The following SLC1A1 variants were observed in gnomAD, a reference collection of about 807,000 sequenced individuals.
The protein encoded by SLC1A1 is excitatory amino acid transporter 3.
Under a neutral mutation model 53.3 loss-of-function variants are expected in SLC1A1, and 43 were observed. The observed-to-expected ratio is 0.81, with a 90% CI of 0.63 to 1.04. The LOEUF is 1.04. Ranked by LOEUF, SLC1A1 falls within the 50% of genes least tolerant of loss-of-function variation. The pLI is 0.00. For synonymous variants in SLC1A1, 307 were observed against 243.2 expected (o/e 1.26, Z -2.44); for missense variants, 748 against 664.9 (o/e 1.12, Z -1.37).
chr9:4,543,415 A>T (rs1817184484), intron 1 of SLC1A1, among the ~76,000 whole-genome samples: 1 of 152,222 alleles, frequency 6.6e-6, no homozygotes, highest in African/African-American at 2.4e-5. Flanking sequence ...AGGAAAGGGT[A>T]AAGCAGTTAG....
intron 3 of SLC1A1, among the ~76,000 whole-genome samples, chr9:4,562,884 C>T (rs987544504): frequency 6.8e-6 from 1 of 146,322 alleles, no homozygotes; most frequent in African/African-American, 2.5e-5. Flanking sequence ...CATACGTGTG[C>T]ATGTGTCTTT....
intron 1 of SLC1A1, 149 bp downstream of exon 1, chr9:4,490,919 G>A: frequency 1.5e-6 from 1 of 655,604 alleles, no homozygotes; most frequent in Non-Finnish European, 2.7e-6. Context: ...CCCCTGCGGG[G>A]GCTTTCCCCC....
chr9:4,515,375 A>T (rs1189724324), intron 1 of SLC1A1, among the ~76,000 whole-genome samples: 1 of 152,174 alleles, frequency 6.6e-6, no homozygotes, highest in East Asian at 1.9e-4. Context: ...ACCCAGAATG[A>T]AAAGTCTGAG....
At chr9:4,565,963 T>G in intron 4 of SLC1A1, 84 bp from the exon 5 acceptor site, 1 of 1,025,642 alleles carries the variant, frequency 9.7e-7, no homozygotes, top group Non-Finnish European at 1.6e-6. Context: ...AGTTTTATGT[T>G]ATACTAATTT....
chr9:4,495,427 C>T (rs910528327), intron 1 of SLC1A1, among the ~76,000 whole-genome samples: 3 of 152,112 alleles, frequency 2.0e-5, no homozygotes, highest in Non-Finnish European at 2.9e-5. Flanking sequence ...AAATAGAATA[C>T]ATAGGTAACC....
At chr9:4,528,325 C>G (rs1316835818) in intron 1 of SLC1A1, among the ~76,000 whole-genome samples, 1 of 152,158 alleles carries the variant, frequency 6.6e-6, no homozygotes, top group African/African-American at 2.4e-5. Flanking sequence ...GTAATCCCAG[C>G]ACTTTGGGAG....
rs755753856 is a variant in SLC1A1, at chr9:4,574,007, C to T, written c.868C>T (p.Leu290=). The stretch of plus-strand genomic sequence containing the variant: ...GCTGGGCCTTTACATGGCCACAGTC[C>T]TGACTGGGTATGTCAGACTCAAGAG... The part of the protein sequence containing the change: ...RKLGLYMATV[L]TGLAIHSIVI... The change falls in exon 8 of 12, where the codon CTG becomes TTG. Residue 290 remains leucine, a synonymous_variant. Transcript: ENST00000262352. The T allele has an allele frequency of 1.2e-6, 2 of 1,600,882 alleles. No homozygotes were observed. Among genetic ancestry groups the T allele is most frequent in the Non-Finnish European group, 1.7e-6 (2 of 1,167,998 alleles).
At chr9:4,500,685 C>G (rs1423870933) in intron 1 of SLC1A1, among the ~76,000 whole-genome samples, 3 of 152,118 alleles carry the variant, frequency 2.0e-5, no homozygotes, top group African/African-American at 7.2e-5. Context: ...AAAGAGTACT[C>G]TGTTGTAATT....
intron 2 of SLC1A1, among the ~76,000 whole-genome samples, chr9:4,552,510 C>T (rs2130893159): frequency 6.6e-6 from 1 of 152,170 alleles, no homozygotes; most frequent in South Asian, 2.1e-4. Context: ...AAAGGGGGAG[C>T]ACAAGGGTTT....
chr9:4,500,754 T>C (rs1356289907), intron 1 of SLC1A1, among the ~76,000 whole-genome samples: 1 of 152,226 alleles, frequency 6.6e-6, no homozygotes, highest in Non-Finnish European at 1.5e-5. Context: ...TGACTCACTC[T>C]TTTTCAGAAA....
chr9:4,500,927 G>A (rs563965432), intron 1 of SLC1A1, among the ~76,000 whole-genome samples: 110 of 152,234 alleles, frequency 7.2e-4, no homozygotes, highest in African/African-American at 2.5e-3. Context: ...CCTCGGCTAT[G>A]TGAGCTCCGG....
chr9:4,569,652 G>A (rs951539965), intron 6 of SLC1A1, among the ~76,000 whole-genome samples: 1 of 152,134 alleles, frequency 6.6e-6, no homozygotes, highest in African/African-American at 2.4e-5. Context: ...ATAAACCACC[G>A]TTGGCTCCCT....
At chr9:4,555,158 C>T (rs542389445) in intron 2 of SLC1A1, among the ~76,000 whole-genome samples, 86 of 152,368 alleles carry the variant, frequency 5.6e-4, no homozygotes, top group African/African-American at 2.0e-3. Flanking sequence ...TGCCTTCTCT[C>T]TGCACAGGTG....
chr9:4,501,390 C>A (rs1299488433), intron 1 of SLC1A1, among the ~76,000 whole-genome samples: 1 of 151,476 alleles, frequency 6.6e-6, no homozygotes, highest in Non-Finnish European at 1.5e-5. Flanking sequence ...CAGAGAGGGT[C>A]CACATGGCCA....
intron 1 of SLC1A1, among the ~76,000 whole-genome samples, chr9:4,534,729 C>A (rs901340081): frequency 1.2e-4 from 19 of 152,024 alleles, no homozygotes; most frequent in African/African-American, 3.9e-4. Flanking sequence ...CATCCTGCTA[C>A]CAAAGCCTGG....
chr9:4,536,635 C>A (rs1486211293), intron 1 of SLC1A1, among the ~76,000 whole-genome samples: 1 of 152,180 alleles, frequency 6.6e-6, no homozygotes, highest in African/African-American at 2.4e-5. Flanking sequence ...GTCAGTGTGG[C>A]GATTCCTCAG....
intron 1 of SLC1A1, among the ~76,000 whole-genome samples, chr9:4,491,355 G>A (rs1820231649): frequency 6.6e-6 from 1 of 152,222 alleles, no homozygotes; most frequent in Admixed American, 6.5e-5. Flanking sequence ...CCCGGGCTCT[G>A]AAAAGCTGCC....
In SLC1A1 at chr9:4,556,801, C is replaced by T. The variant is rs576716603; in HGVS notation, c.233-4648C>T. On this transcript the variant is annotated intron_variant, in intron 2 of 11. Coordinates refer to ENST00000262352, the MANE Select transcript of SLC1A1 (RefSeq NM_004170.6). The surrounding 1 kb of genome is among the most constrained non-coding windows in gnomAD (Gnocchi z 4.1). ...TGGTGAGTTGGGGGAGAAAATCTTA[C>T]TCTTTTTATGTAAAAAAACACATGT... Among the ~76,000 whole-genome samples the T allele has an allele frequency of 6.6e-6, 1 of 152,258 alleles. No individual in the cohort carries two copies. Among genetic ancestry groups the T allele is most frequent in the South Asian group, 2.1e-4 (1 of 4,826 alleles).
chr9:4,573,405 A>G (rs553013555), intron 7 of SLC1A1, among the ~76,000 whole-genome samples: 2 of 152,284 alleles, frequency 1.3e-5, no homozygotes, highest in South Asian at 4.1e-4. Flanking sequence ...AAATGAAATG[A>G]TGCATGTAAA....
Sources: allele counts gnomAD v4.1 joint callset (sites outside exome capture counted in the v4.1 genomes callset), GRCh38; gene constraint gnomAD v4.1.1; non-coding constraint Gnocchi (gnomAD v3.1); transcripts MANE v1.5; gene names NCBI Gene and HGNC (gene_info 2026-07-23, HGNC 2026-07-21).